The following ZC2HC1A variants were observed in gnomAD, a reference collection of about 807,000 sequenced individuals.
The protein encoded by ZC2HC1A is zinc finger C2HC domain-containing protein 1A.
Under a neutral mutation model 40.7 loss-of-function variants are expected in ZC2HC1A, and 28 were observed. That is an observed-to-expected ratio of 0.69 (90% confidence interval 0.51 to 0.94). ZC2HC1A has a LOEUF of 0.94. ZC2HC1A is among the 40% of genes least tolerant of loss of function. The pLI is 0.00. For missense variants in ZC2HC1A, 389 were observed against 386.3 expected, an observed-to-expected ratio of 1.01 and a Z score of -0.06; for synonymous variants, 129 against 129.2, an observed-to-expected ratio of 1.00 and a Z score of 0.01.
At chr8:78,671,745 G>A (rs1409817846) in intron 1 of ZC2HC1A, among the ~76,000 whole-genome samples, 1 of 152,058 alleles carries the variant, frequency 6.6e-6, no homozygotes, top group Non-Finnish European at 1.5e-5. Flanking sequence ...GTCCTTTCAG[G>A]TTCTCAGTTC....
intron 7 of ZC2HC1A, among the ~76,000 whole-genome samples, chr8:78,711,641 C>T (rs1325441503): frequency 6.6e-6 from 1 of 151,972 alleles, no homozygotes; most frequent in African/African-American, 2.4e-5. Context: ...GAAGAAAAAT[C>T]ATTTGTGAAT....
intron 1 of ZC2HC1A, among the ~76,000 whole-genome samples, chr8:78,673,573 A>G (rs575030411): frequency 6.6e-6 from 1 of 152,236 alleles, no homozygotes; most frequent in African/African-American, 2.4e-5. Flanking sequence ...CCTCTCCAAC[A>G]TCTGTTGTTT....
At chr8:78,717,129 A>G (rs1242595738) in intron 8 of ZC2HC1A, among the ~76,000 whole-genome samples, 199 bp from the exon 9 acceptor site, 1 of 152,132 alleles carries the variant, frequency 6.6e-6, no homozygotes, top group African/African-American at 2.4e-5. Context: ...TTCTCGTAAC[A>G]CAGATAAATA....
Position 78,678,596 on chromosome 8 carries a change from A to C in ZC2HC1A, c.127A>C (p.Thr43Pro), listed in dbSNP as rs771464722. Residue 43 changes from threonine to proline, a missense_variant, in exon 3 of 9, where the codon ACT becomes CCT. Transcript: ENST00000263849. Reference protein sequence around the residue: ...KHGPICQKTATKKRKTFDSSR... With the variant: ...KHGPICQKTAPKKRKTFDSSR... ...TGGACCCATTTGCCAGAAGACTGCA[A>C]CTAAAAAACGGAAGACTTTTGATTC... 1.9e-6 allele frequency: 3 copies of C among 1,612,280 alleles called. No individual in the cohort carries two copies. Among genetic ancestry groups the C allele is most frequent in the Non-Finnish European group, 2.5e-6 (3 of 1,179,248 alleles).
At chr8:78,711,358 A>G (rs1810944146) in intron 7 of ZC2HC1A, among the ~76,000 whole-genome samples, 1 of 151,920 alleles carries the variant, frequency 6.6e-6, no homozygotes, top group South Asian at 2.1e-4. Context: ...AGCCTTTATA[A>G]TTTTGGTCAA....
chr8:78,704,594 G>A (rs760432452), intron 7 of ZC2HC1A, among the ~76,000 whole-genome samples: 44 of 152,098 alleles, frequency 2.9e-4, no homozygotes, highest in Non-Finnish European at 5.6e-4. Context: ...ATCATCTCAT[G>A]AGTATCTTAC....
At chr8:78,717,161 GA>G (rs1213924439) in intron 8 of ZC2HC1A, among the ~76,000 whole-genome samples, 166 bp from the exon 9 acceptor site, 2 of 152,050 alleles carry the variant, frequency 1.3e-5, no homozygotes, top group Non-Finnish European at 2.9e-5. Flanking sequence ...AAAAATGTTA[GA>G]ATTTTAGTAT....
chr8:78,717,605 T>G lies in ZC2HC1A; in HGVS notation c.*112T>G. 8.3e-7 allele frequency: 1 copy of G among 1,207,218 alleles called. No homozygotes were observed. The highest frequency in any genetic ancestry group is 1.6e-5 in the South Asian group (1 of 62,776). 74.8% of individuals were successfully genotyped at this position (1,207,218 alleles called of 1,614,324 possible). ...TGTGCTAAAAATACTCGAAATACCA[T>G]TTCCAGTTAATTTTGAAGTGTAATC... On this transcript the variant is annotated 3_prime_UTR_variant, in exon 9 of 9. Transcript: ENST00000263849.
At position 78,667,543 on chromosome 8, in the gene ZC2HC1A, T is replaced by G. The variant is rs149132978; in HGVS notation, c.16+1379T>G. ...GAACAGTTTGCAGATTTTTATTATT[T>G]TATTCAACATTTGTTATTAAGACAA... is the stretch of plus-strand genomic sequence containing the variant. On this transcript the variant is annotated intron_variant, in intron 1 of 8. Coordinates refer to ENST00000263849, the MANE Select transcript of ZC2HC1A (RefSeq NM_016010.3). Among the ~76,000 whole-genome samples, 318 of 152,304 alleles carry G rather than the reference T, an allele frequency of 2.1e-3. 3 individuals are homozygous for G. Among genetic ancestry groups the G allele is most frequent in the Non-Finnish European group, 3.6e-3 (242 of 68,022 alleles).
intron 1 of ZC2HC1A, among the ~76,000 whole-genome samples, chr8:78,669,076 ATTTCTGT>A (rs926022787): frequency 3.0e-5 from 3 of 99,118 alleles, no homozygotes; most frequent in Non-Finnish European, 5.4e-5. Context: ...TCTCATCAAA[ATTTCTGT>A]TTTGTTTTAT....
rs910678174 is a variant in ZC2HC1A, at chr8:78,697,460, A to G, written c.558A>G (p.Gly186=). 1 of 1,610,778 alleles carries G rather than the reference A, an allele frequency of 6.2e-7. No individual in the cohort carries two copies. Among genetic ancestry groups the G allele is most frequent in the East Asian group, 2.2e-5 (1 of 44,816 alleles). Residue 186 remains glycine, a synonymous_variant, in exon 6 of 9, where the codon GGA becomes GGG. Coordinates refer to ENST00000263849, the MANE Select transcript of ZC2HC1A (RefSeq NM_016010.3). ...ATTCTCCTGGAACTGCATCATCAGG[A>G]TCTTCACGATTACCGCAGCCAAGTG... ...KSNSPGTASS[G]SSRLPQPSGA... is the part of the protein sequence containing the mutation.
Position 78,717,498 on chromosome 8 carries a change from A to C in ZC2HC1A, c.*5A>C. 6.8e-7 allele frequency: 1 copy of C among 1,465,770 alleles called. No homozygotes were observed. Among genetic ancestry groups the C allele is most frequent in the Middle Eastern group, 1.8e-4 (1 of 5,564 alleles). 90.8% of individuals were successfully genotyped at this position (1,465,770 alleles called of 1,614,324 possible). Reference sequence around the variant, plus strand: ...ATTCGAAGAATGATTCTATGAATAGAATCTCAAAAAAAAAAAAAAGCCAAG... The same window carrying C: ...ATTCGAAGAATGATTCTATGAATAGCATCTCAAAAAAAAAAAAAAGCCAAG... On this transcript the variant is annotated 3_prime_UTR_variant, in exon 9 of 9. Transcript: ENST00000263849.
intron 1 of ZC2HC1A, among the ~76,000 whole-genome samples, chr8:78,669,207 A>G (rs1194134266): frequency 6.6e-6 from 1 of 152,162 alleles, no homozygotes; most frequent in African/African-American, 2.4e-5. Context: ...TTTAATAGAC[A>G]GTATATTGGA....
intron 1 of ZC2HC1A, among the ~76,000 whole-genome samples, chr8:78,668,888 T>C (rs915293760): frequency 1.3e-5 from 2 of 152,132 alleles, no homozygotes; most frequent in African/African-American, 2.4e-5. Flanking sequence ...TATCCTTATA[T>C]ACAGTATTGT....
intron 2 of ZC2HC1A, among the ~76,000 whole-genome samples, 195 bp from the exon 3 acceptor site, chr8:78,678,366 CTT>C (rs1175163159): frequency 6.6e-6 from 1 of 152,068 alleles, no homozygotes; most frequent in Non-Finnish European, 1.5e-5. Flanking sequence ...AGAAAGATAA[CTT>C]AGAGCGTGCA....
intron 1 of ZC2HC1A, among the ~76,000 whole-genome samples, chr8:78,667,014 A>G (rs1170710344): frequency 6.6e-6 from 1 of 152,224 alleles, no homozygotes; most frequent in Non-Finnish European, 1.5e-5. Context: ...AAACCTTCAG[A>G]ATTGAAAGAT....
intron 7 of ZC2HC1A, among the ~76,000 whole-genome samples, chr8:78,703,883 G>C (rs912773401): frequency 5.3e-5 from 8 of 152,118 alleles, no homozygotes; most frequent in African/African-American, 1.9e-4. Flanking sequence ...AGTATTACTG[G>C]TCTGTGTACC....
At chr8:78,700,623 G>T (rs914824018) in intron 7 of ZC2HC1A, among the ~76,000 whole-genome samples, 22 of 152,074 alleles carry the variant, frequency 1.4e-4, no homozygotes, top group African/African-American at 5.1e-4. Context: ...GTCTTCCAGG[G>T]TTTTTATAGT....
At chr8:78,706,568 C>T (rs1404104363) in intron 7 of ZC2HC1A, among the ~76,000 whole-genome samples, 1 of 152,082 alleles carries the variant, frequency 6.6e-6, no homozygotes, top group Non-Finnish European at 1.5e-5. Context: ...GTTCACCTTG[C>T]TCTGTGTCGC....
Sources: allele counts gnomAD v4.1 joint callset (sites outside exome capture counted in the v4.1 genomes callset), GRCh38; gene constraint gnomAD v4.1.1; transcripts MANE v1.5; gene names NCBI Gene and HGNC (gene_info 2026-07-23, HGNC 2026-07-21).